EMILIN3: variants seen among roughly 807,000 people sequenced by gnomAD.
EMILIN3 encodes the protein elastin microfibril interfacer 3.
In EMILIN3, 38 loss-of-function variants were observed where a neutral mutation model predicts 42.8. The ratio of observed to expected loss-of-function variants is 0.89; its 90% CI spans 0.69 to 1.16. The LOEUF is 1.16. Ranked by LOEUF, EMILIN3 falls within the 50% of genes most tolerant of loss-of-function variation. The pLI is 0.00. For missense variants in EMILIN3, 924 were observed against 999.5 expected, an observed-to-expected ratio of 0.92 and a Z score of 1.02; for synonymous variants, 430 against 440.5, an observed-to-expected ratio of 0.98 and a Z score of 0.30.
Position 41,366,784 on chromosome 20 carries a change from G to T in EMILIN3, c.-150C>A. 2 of 396,672 alleles carry T rather than the reference G, an allele frequency of 5.0e-6. No individual in the cohort carries two copies. Among genetic ancestry groups the T allele is most frequent in the Non-Finnish European group, 6.8e-6 (2 of 292,356 alleles). The allele number at this position is 396,672 out of a possible 1,614,324, so 24.6% of individuals were successfully genotyped here. The stretch of plus-strand genomic sequence containing the variant: ...GGCCCCCGAGCTCGCTGGCCCGGCC[G>T]CCTGGCGCTTCGCGGCGGCTGCGTC... On this transcript the variant is annotated 5_prime_UTR_variant, in exon 1 of 4. Coordinates refer to ENST00000332312, the MANE Select transcript of EMILIN3 (RefSeq NM_052846.2). This position sits in a 1 kb window ranked among gnomAD's most constrained non-coding sequence, Gnocchi z 4.2.
chr20:41,363,592 C>G (rs370811824), intron 3 of EMILIN3, 46 bp downstream of exon 3: 2 of 1,540,898 alleles, frequency 1.3e-6, no homozygotes, highest in African/African-American at 2.7e-5. Flanking sequence ...TGCCACTGAG[C>G]CCAAGAAACC....
In EMILIN3 at chr20:41,361,616, G is replaced by A; in HGVS notation, c.1953C>T (p.Val651=). The change falls in exon 4 of 4, where the codon GTC becomes GTT. Residue 651 remains valine, a synonymous_variant. Transcript: ENST00000332312. ...GCTCCAGCTCCCCACGCAGGTTCAG[G>A]ACCTGCCTGTGGCCAGCCTGAAGCC... The part of the protein sequence containing the change: ...GSRLQAGHRQ[V]LNLRGELEQL... 6.2e-6 allele frequency: 10 copies of A among 1,609,796 alleles called. No homozygotes were observed. Among genetic ancestry groups the A allele is most frequent in the Non-Finnish European group, 8.5e-6 (10 of 1,179,292 alleles).
rs1430007409 is a variant in EMILIN3, at chr20:41,361,070, C to T, written c.*198G>A. The stretch of plus-strand genomic sequence containing the variant: ...TGACATCCTTGCCTTGACCGCTGTC[C>T]GGAACTGTCCAGTTTCTGCAGCACT... On this transcript the variant is annotated 3_prime_UTR_variant, in exon 4 of 4. Coordinates refer to ENST00000332312, the MANE Select transcript of EMILIN3 (RefSeq NM_052846.2). 16 of 539,178 alleles carry T rather than the reference C, an allele frequency of 3.0e-5. No individual in the cohort carries two copies. Among genetic ancestry groups the T allele is most frequent in the East Asian group, 5.8e-5 (2 of 34,632 alleles). The allele number at this position is 539,178 out of a possible 1,614,324, so 33.4% of individuals were successfully genotyped here.
intron 3 of EMILIN3, 143 bp from the exon 4 acceptor site, chr20:41,363,197 G>A (rs1447224930): frequency 2.6e-6 from 2 of 762,170 alleles, no homozygotes; most frequent in Non-Finnish European, 4.1e-6. Flanking sequence ...CTGGAGTGCA[G>A]TGGTGTGCTC....
rs547950620 is a variant in EMILIN3 at position 41,362,822 on chromosome 20, G to A, written c.747C>T (p.Asp249=). Residue 249 remains aspartate (D), a synonymous_variant, in exon 4 of 4, where the codon GAC becomes GAT. Coordinates refer to ENST00000332312, the MANE Select transcript of EMILIN3 (RefSeq NM_052846.2). Reference sequence around the variant, plus strand: ...CCTCTGTCACCTTGCTTAGGATCTCGTCTAAGGGAGGTGTTAGTGGCCCTC... The same window carrying A: ...CCTCTGTCACCTTGCTTAGGATCTCATCTAAGGGAGGTGTTAGTGGCCCTC... The part of the protein sequence containing the change: ...RARGPLTPPL[D]EILSKVTEVS... 309 of 1,614,166 alleles carry A rather than the reference G, an allele frequency of 1.9e-4. 3 individuals carry two copies. In the South Asian group the frequency reaches 2.8e-3, roughly 15 times the overall value.
At position 41,365,127 on chromosome 20, in the gene EMILIN3, A is replaced by G. The variant is rs1201294575; in HGVS notation, c.198T>C (p.Asn66=). 6.2e-7 allele frequency: 1 copy of G among 1,614,016 alleles called. No individual in the cohort carries two copies. Among genetic ancestry groups the G allele is most frequent in the Admixed American group, 1.7e-5 (1 of 60,016 alleles). Residue 66 remains asparagine (N), a synonymous_variant, in exon 2 of 4, where the codon AAT becomes AAC. Transcript: ENST00000332312. ...KALCAYVVHR[N]VTCILQEGAE... ...CTCCCTCCTGTAGGATGCAGGTCACATTCCTGTGCACCACATAGGCACAGA... is the reference window on the plus strand; with the variant it reads ...CTCCCTCCTGTAGGATGCAGGTCACGTTCCTGTGCACCACATAGGCACAGA...
Position 41,361,310 on chromosome 20 carries a change from C to G in EMILIN3, c.2259G>C (p.Gln753His). Residue 753 changes from glutamine (Q) to histidine (H), a missense_variant, in exon 4 of 4, where the codon CAG (glutamine) becomes CAC (histidine). By Grantham distance (24) the Gln-to-His change is conservative (BLOSUM62 0). Transcript: ENST00000332312. ...ARLRDDLLDC[Q>H]AQLAEQVRPG... ...GCCGCACCTGCTCAGCCAGCTGGGC[C>G]TGGCAGTCCAGTAGGTCATCCCGGA... The G allele has an allele frequency of 6.2e-7, 1 of 1,603,610 alleles. No homozygotes were observed. The highest frequency in any genetic ancestry group is 8.5e-7 in the Non-Finnish European group (1 of 1,172,270).
intron 3 of EMILIN3, among the ~76,000 whole-genome samples, chr20:41,363,362 C>T (rs1441427323): frequency 2.0e-5 from 3 of 152,120 alleles, no homozygotes; most frequent in African/African-American, 7.2e-5. Context: ...AGGATGGTCT[C>T]GATCTCCTAA....
chr20:41,365,193 T>C, intron 1 of EMILIN3, 36 bp from the exon 2 acceptor site: 1 of 1,610,404 alleles, frequency 6.2e-7, no homozygotes, highest in African/African-American at 1.3e-5. Context: ...AATATCTGGC[T>C]GAGCGAGGCC....
rs950857210 is a variant in EMILIN3, at chr20:41,361,998, C to G, written c.1571G>C (p.Ser524Thr). 1 of 1,611,616 alleles carries G rather than the reference C, an allele frequency of 6.2e-7. No individual in the cohort carries two copies. Among genetic ancestry groups the G allele is most frequent in the Non-Finnish European group, 8.5e-7 (1 of 1,178,166 alleles). Residue 524 changes from serine (S) to threonine (T), a missense_variant, in exon 4 of 4, where the codon AGC (serine) becomes ACC (threonine). By Grantham distance (58) the Ser-to-Thr change is moderately conservative. Coordinates refer to ENST00000332312, the MANE Select transcript of EMILIN3 (RefSeq NM_052846.2). ...GCTGTCCAGGATGGCTGAGGTGGTG[C>G]TCGGGGTGCACGAAGTCTCCAGTGA... is the stretch of plus-strand genomic sequence containing the variant. ...LVSLETSCTP[S>T]TTSAILDSLV...
At chr20:41,363,297 C>T (rs1218490915) in intron 3 of EMILIN3, among the ~76,000 whole-genome samples, 9 of 152,292 alleles carry the variant, frequency 5.9e-5, no homozygotes, top group East Asian at 5.8e-4. Context: ...CCCACCACCA[C>T]GCCCGGCTAT....
At position 41,362,116 on chromosome 20, in the gene EMILIN3, C is replaced by T. The variant is rs768246512; in HGVS notation, c.1453G>A (p.Ala485Thr). ...GCGCTGTCATGGCTTAGCTCCCCAG[C>T]CAATGTTGCTAGGCGCTCCTCGAGG... is the stretch of plus-strand genomic sequence containing the variant. Reference protein sequence around the residue: ...QSLEERLATLAGELSHDSASP... With the variant: ...QSLEERLATLTGELSHDSASP... The change falls in exon 4 of 4, where the codon GCT becomes ACT. Residue 485 changes from alanine (A) to threonine (T), a missense_variant. Coordinates refer to ENST00000332312, the MANE Select transcript of EMILIN3 (RefSeq NM_052846.2). 6.2e-7 allele frequency: 1 copy of T among 1,605,862 alleles called. No homozygotes were observed. The highest frequency in any genetic ancestry group is 1.7e-5 in the Admixed American group (1 of 59,774).
chr20:41,366,406 G>T lies in EMILIN3; in HGVS notation c.167+62C>A. ...CGCCCCCCGCGGGTGCGGGCAGGTG[G>T]GAGCGGCGACGCGCGCGGGCCCATC... On this transcript the variant is annotated intron_variant, in intron 1 of 3. Coordinates refer to ENST00000332312, the MANE Select transcript of EMILIN3 (RefSeq NM_052846.2). This position sits in a 1 kb window ranked among gnomAD's most constrained non-coding sequence, Gnocchi z 4.2. 1 of 1,078,712 alleles carries T rather than the reference G, an allele frequency of 9.3e-7. No individual in the cohort carries two copies. The highest frequency in any genetic ancestry group is 1.7e-5 in the African/African-American group (1 of 59,234). 66.8% of individuals were successfully genotyped at this position (1,078,712 alleles called of 1,614,324 possible). A position where few individuals can be genotyped will look rare whatever the true frequency, so the allele number is the denominator to read the frequency against.
Position 41,361,821 on chromosome 20 carries a change from T to C in EMILIN3, c.1748A>G (p.Glu583Gly), listed in dbSNP as rs2046361925. Residue 583 changes from glutamate to glycine, a missense_variant, in exon 4 of 4, where the codon GAG (glutamate) becomes GGG (glycine). Glu to Gly is a moderately conservative substitution (Grantham distance 98). Coordinates refer to ENST00000332312, the MANE Select transcript of EMILIN3 (RefSeq NM_052846.2). ...CAGATTGACCTTGAGCAGAGTGATCTCGCCTTGAAGTGAGCTGCCCGTCCC... is the reference window on the plus strand; with the variant it reads ...CAGATTGACCTTGAGCAGAGTGATCCCGCCTTGAAGTGAGCTGCCCGTCCC... ...AEGTGSSLQG[E>G]ITLLKVNLNS... 6.2e-7 allele frequency: 1 copy of C among 1,613,582 alleles called. No individual in the cohort carries two copies. The highest frequency in any genetic ancestry group is 8.5e-7 in the Non-Finnish European group (1 of 1,180,044).
chr20:41,362,360 C>T lies in EMILIN3; in HGVS notation c.1209G>A (p.Gln403=), dbSNP rs1376745139. 1 of 1,607,828 alleles carries T rather than the reference C, an allele frequency of 6.2e-7. No homozygotes were observed. The highest frequency in any genetic ancestry group is 2.2e-5 in the East Asian group (1 of 44,874). ...GGCCCCTTTGGGTCTCGGTGACTGC[C>T]TGCAGGGCCCTCTCAAGGCCATCCA... ...ARMDGLERAL[Q]AVTETQRGPG... is the part of the protein sequence containing the mutation. Residue 403 remains glutamine (Q), a synonymous_variant, in exon 4 of 4, where the codon CAG becomes CAA. Coordinates refer to ENST00000332312, the MANE Select transcript of EMILIN3 (RefSeq NM_052846.2).
chr20:41,363,537 C>T, intron 3 of EMILIN3, 101 bp downstream of exon 3: 1 of 1,206,490 alleles, frequency 8.3e-7, no homozygotes, highest in Non-Finnish European at 1.1e-6. Flanking sequence ...CCTCCCCATC[C>T]ATGCCGGAGC....
intron 1 of EMILIN3, among the ~76,000 whole-genome samples, chr20:41,365,782 C>T (rs368506391): frequency 5.4e-4 from 83 of 152,352 alleles, no homozygotes; most frequent in African/African-American, 1.9e-3. Flanking sequence ...CAGGCAGAGC[C>T]TCCAGCCCAC....
chr20:41,363,937 C>T (rs988475443), intron 2 of EMILIN3, 76 bp from the exon 3 acceptor site: 17 of 1,403,296 alleles, frequency 1.2e-5, no homozygotes, highest in Admixed American at 5.3e-5. Context: ...CACTCAGGGC[C>T]GCCCTCAGAC....
rs2046395437 is a variant in EMILIN3, at chr20:41,366,566, C to T, written c.69G>A (p.Arg23=). 5 of 1,131,542 alleles carry T rather than the reference C, an allele frequency of 4.4e-6. No homozygotes were observed. In the East Asian group the frequency reaches 2.3e-4, roughly 52 times the overall value. The allele number at this position is 1,131,542 out of a possible 1,614,324, so 70.1% of individuals were successfully genotyped here. The change falls in exon 1 of 4, where the codon AGG becomes AGA. Residue 23 remains arginine, a synonymous_variant. Coordinates refer to ENST00000332312, the MANE Select transcript of EMILIN3 (RefSeq NM_052846.2). This position sits in a 1 kb window ranked among gnomAD's most constrained non-coding sequence, Gnocchi z 4.2. ...VAALLSGAQA[R]GTPLLARPAP... is the part of the protein sequence containing the mutation. Reference sequence around the variant, plus strand: ...CAGGCCGCGCCAGGAGCGGGGTGCCCCTGGCCTGCGCCCCCGAGAGCAGCG... The same window carrying T: ...CAGGCCGCGCCAGGAGCGGGGTGCCTCTGGCCTGCGCCCCCGAGAGCAGCG...
Sources: allele counts gnomAD v4.1 joint callset (sites outside exome capture counted in the v4.1 genomes callset), GRCh38; gene constraint gnomAD v4.1.1; non-coding constraint Gnocchi (gnomAD v3.1); transcripts MANE v1.5; gene names NCBI Gene and HGNC (gene_info 2026-07-23, HGNC 2026-07-21).